ARHGAP6: variants seen among roughly 807,000 people sequenced by gnomAD.
The protein encoded by ARHGAP6 is rho GTPase-activating protein 6.
In ARHGAP6, 16 loss-of-function variants were observed where a neutral mutation model predicts 55.7. The observed-to-expected ratio is 0.29, with a 90% CI of 0.19 to 0.44. The LOEUF (loss-of-function observed/expected upper bound fraction) is 0.44. Ranked by LOEUF, ARHGAP6 falls within the 20% of genes least tolerant of loss-of-function variation. ARHGAP6 has a pLI of 1.00. For synonymous variants in ARHGAP6, 382 were observed against 360.9 expected, an observed-to-expected ratio of 1.06 and a Z score of -0.66; for missense variants, 698 against 808.9, an observed-to-expected ratio of 0.86 and a Z score of 1.66.
intron 1 of ARHGAP6, among the ~76,000 whole-genome samples, chrX:11,264,309 C>T (rs1438707015): frequency 9.0e-6 from 1 of 111,418 alleles, no homozygotes; most frequent in Admixed American, 9.5e-5. Flanking sequence ...CTGCAAATGG[C>T]CTGTTCACCT....
intron 1 of ARHGAP6, among the ~76,000 whole-genome samples, chrX:11,640,403 ACT>A (rs1230279384): frequency 1.8e-5 from 2 of 111,667 alleles, no homozygotes; most frequent in African/African-American, 3.2e-5. Flanking sequence ...GTTCAGCCTA[ACT>A]CTGTTTCTTT....
chrX:11,138,820 G>A lies in ARHGAP6; in HGVS notation c.*43C>T, dbSNP rs772648628. 3.0e-4 allele frequency: 344 copies of A among 1,142,603 alleles called. No homozygotes were observed. Among genetic ancestry groups the A allele is most frequent in the Non-Finnish European group, 3.7e-4 (319 of 862,772 alleles). 94.2% of individuals were successfully genotyped at this position (1,142,603 alleles called of 1,213,427 possible). A position where few individuals can be genotyped will look rare whatever the true frequency, so the allele number is the denominator to read the frequency against. Reference sequence around the variant, plus strand: ...CACCCACGGTCCCCCCTGGGCTGGAGGGCGGGGGGCTCGGGGCAGGGGGGG... The same window carrying A: ...CACCCACGGTCCCCCCTGGGCTGGAAGGCGGGGGGCTCGGGGCAGGGGGGG... On this transcript the variant is annotated 3_prime_UTR_variant, in exon 13 of 13. Transcript: ENST00000337414.
rs749671055 is a variant in ARHGAP6, at chrX:11,186,230, A to G, written c.1273+6T>C. On this transcript the variant is annotated splice_donor_region_variant and intron_variant, in intron 5 of 12. Transcript: ENST00000337414. The stretch of plus-strand genomic sequence containing the variant: ...CTTAGTACTTTAGACAGACAAGTCT[A>G]CTTACCATGTTTTTCTAGGTGCTGA... 2.5e-6 allele frequency: 3 copies of G among 1,206,771 alleles called. No homozygotes were observed. The highest frequency in any genetic ancestry group is 3.4e-6 in the Non-Finnish European group (3 of 891,998).
At chrX:11,568,686 G>T (rs1402795631) in intron 1 of ARHGAP6, among the ~76,000 whole-genome samples, 5 of 108,840 alleles carry the variant, frequency 4.6e-5, no homozygotes, top group African/African-American at 1.7e-4. Flanking sequence ...GAACGCTAAG[G>T]GTAGAGGTTG....
At chrX:11,381,203 T>C (rs111621349) in intron 1 of ARHGAP6, among the ~76,000 whole-genome samples, 1 of 112,590 alleles carries the variant, frequency 8.9e-6, no homozygotes, top group East Asian at 2.8e-4. Flanking sequence ...TAAGCAGAGT[T>C]ACCTACCTAG....
At chrX:11,311,932 G>T (rs1569296548) in intron 1 of ARHGAP6, among the ~76,000 whole-genome samples, 1 of 111,345 alleles carries the variant, frequency 9.0e-6, no homozygotes, top group Non-Finnish European at 1.9e-5. Flanking sequence ...CACTACTCAG[G>T]TTTGCAAATT....
At chrX:11,417,071 T>TATATATAC (rs2049759183) in intron 1 of ARHGAP6, among the ~76,000 whole-genome samples, 1 of 37,615 alleles carries the variant, frequency 2.7e-5, no homozygotes, top group Non-Finnish European at 5.5e-5. Context: ...TATATATATA[T>TATATATAC]ATATATATAT....
rs146914389 is a variant in ARHGAP6, at chrX:11,481,349, C to A, written c.588+182892G>T. 5.6e-3 allele frequency among the ~76,000 whole-genome samples: 626 copies of A among 112,165 alleles called. 2 individuals carry two copies. The highest frequency in any genetic ancestry group is 8.1e-3 in the Non-Finnish European group (429 of 53,165). On this transcript the variant is annotated intron_variant, in intron 1 of 12. Transcript: ENST00000337414. ...ACATATAATGACTGCAGGCCTTAAT[C>A]CAACTCCATATAATCAATTTGCAGA...
intron 1 of ARHGAP6, among the ~76,000 whole-genome samples, chrX:11,352,507 G>C (rs1278663431): frequency 8.9e-6 from 1 of 111,962 alleles, no homozygotes; most frequent in African/African-American, 3.2e-5. Context: ...AAAAAGTAGA[G>C]GATCTCCCAT....
At chrX:11,267,714 C>A (rs2047645141) in intron 1 of ARHGAP6, among the ~76,000 whole-genome samples, 1 of 112,291 alleles carries the variant, frequency 8.9e-6, no homozygotes, top group Admixed American at 9.4e-5. Context: ...TCCCGAGAGA[C>A]AACATCTTGT....
chrX:11,506,005 T>C lies in ARHGAP6; in HGVS notation c.588+158236A>G, dbSNP rs181926916. ...CCGCTATAACAAGAGTTTACCTATA[T>C]AGCAAACCTGCACATGTACCCCTGA... On this transcript the variant is annotated intron_variant, in intron 1 of 12. Coordinates refer to ENST00000337414, the MANE Select transcript of ARHGAP6 (RefSeq NM_013427.3). Among the ~76,000 whole-genome samples, 14 of 111,038 alleles carry C rather than the reference T, an allele frequency of 1.3e-4. No homozygotes were observed. In the East Asian group the frequency reaches 3.4e-3, roughly 27 times the overall value.
chrX:11,229,721 T>A (rs2047100731), intron 2 of ARHGAP6, among the ~76,000 whole-genome samples: 1 of 112,183 alleles, frequency 8.9e-6, no homozygotes, highest in African/African-American at 3.2e-5. Context: ...TTTCTGAAAT[T>A]CCATTCATGA....
At chrX:11,391,516 T>C (rs1426932938) in intron 1 of ARHGAP6, among the ~76,000 whole-genome samples, 1 of 111,042 alleles carries the variant, frequency 9.0e-6, no homozygotes, top group Non-Finnish European at 1.9e-5. Context: ...AAAACATAAC[T>C]GGTACTCTCA....
intron 1 of ARHGAP6, among the ~76,000 whole-genome samples, chrX:11,437,987 C>T (rs946557715): frequency 2.8e-4 from 32 of 112,660 alleles, no homozygotes; most frequent in African/African-American, 1.0e-3. Context: ...CTTGTTCCTA[C>T]GTCCAGAGGT....
At chrX:11,282,573 G>A (rs2047870691) in intron 1 of ARHGAP6, among the ~76,000 whole-genome samples, 1 of 112,328 alleles carries the variant, frequency 8.9e-6, no homozygotes, top group Admixed American at 9.4e-5. Context: ...TCTGGCAGAT[G>A]TAACAATTTA....
rs143110599 is a variant in ARHGAP6, at chrX:11,319,152, A to G, written c.589-64445T>C. Among the ~76,000 whole-genome samples, 598 of 111,702 alleles carry G rather than the reference A, an allele frequency of 5.4e-3. 3 individuals carry two copies. Among genetic ancestry groups the G allele is most frequent in the African/African-American group, 0.019 (572 of 30,425 alleles). ...TTTCTATATCTATATCTATATCTATATCTATGTCTATCTATATATCTCTCT... is the reference window on the plus strand; with the variant it reads ...TTTCTATATCTATATCTATATCTATGTCTATGTCTATCTATATATCTCTCT... On this transcript the variant is annotated intron_variant, in intron 1 of 12. Coordinates refer to ENST00000337414, the MANE Select transcript of ARHGAP6 (RefSeq NM_013427.3).
chrX:11,194,607 T>C (rs2046505656), intron 3 of ARHGAP6, among the ~76,000 whole-genome samples: 1 of 112,038 alleles, frequency 8.9e-6, no homozygotes, highest in South Asian at 3.7e-4. Context: ...CACTGGCATC[T>C]AATGAGTAGA....
Position 11,298,790 on chromosome X carries a change from C to A in ARHGAP6, c.589-44083G>T, listed in dbSNP as rs760145611. The A allele has an allele frequency of 7.4e-6, 9 of 1,208,638 alleles. No individual in the cohort carries two copies. In the African/African-American group the frequency reaches 1.2e-4, roughly 17 times the overall value. ...CGCCCGCCCAGCAGCCCTACCAGCC[C>A]CAGCCTGTTCAGCCACAGCCTCACC... is the stretch of plus-strand genomic sequence containing the variant. On this transcript the variant is annotated intron_variant, in intron 1 of 12. Coordinates refer to ENST00000337414, the MANE Select transcript of ARHGAP6 (RefSeq NM_013427.3).
intron 1 of ARHGAP6, among the ~76,000 whole-genome samples, chrX:11,596,230 T>C (rs1033224204): frequency 8.9e-6 from 1 of 112,159 alleles, no homozygotes; most frequent in African/African-American, 3.2e-5. Flanking sequence ...CACCATGGAA[T>C]ACTATGCAGT....
Sources: gnomAD v4.1 joint callset for allele counts (sites outside exome capture counted in the v4.1 genomes callset) on GRCh38, gnomAD v4.1.1 for gene constraint, MANE v1.5 for transcripts, NCBI Gene and HGNC (gene_info 2026-07-23, HGNC 2026-07-21) for gene names.